The following ANO2 variants were observed in gnomAD, a reference collection of about 807,000 sequenced individuals.
ANO2 encodes anoctamin 2.
In ANO2, 101 loss-of-function variants were observed where a neutral mutation model predicts 124.2. The observed-to-expected ratio is 0.81, with a 90% CI of 0.69 to 0.96. The LOEUF is 0.96. Ranked by LOEUF, ANO2 falls within the 40% of genes least tolerant of loss-of-function variation. ANO2 has a pLI of 0.00. For missense variants in ANO2, 1,293 were observed against 1,274.5 expected, an observed-to-expected ratio of 1.01 and a Z score of -0.22; for synonymous variants, 486 against 482.5, an observed-to-expected ratio of 1.01 and a Z score of -0.09.
chr12:5,911,654 T>G (rs953944586), intron 3 of ANO2, among the ~76,000 whole-genome samples: 1 of 152,172 alleles, frequency 6.6e-6, no homozygotes, highest in South Asian at 2.1e-4. Flanking sequence ...ACCAGTCAGA[T>G]AGGGAGATAA....
In ANO2 at chr12:5,806,145, G is replaced by T. The variant is rs547747821; in HGVS notation, c.949-52C>A. On this transcript the variant is annotated intron_variant, in intron 8 of 24. Transcript: ENST00000682330. ...AAGCCAATGAAATTACCAGAAGCAG[G>T]TGCCAAAGGAGAAAGGATTTTCTTT... is the stretch of plus-strand genomic sequence containing the variant. 6.8e-5 allele frequency: 106 copies of T among 1,550,274 alleles called. No homozygotes were observed. In the Middle Eastern group the frequency reaches 1.0e-3, roughly 15 times the overall value.
At chr12:5,852,955 G>A (rs542125279) in intron 4 of ANO2, among the ~76,000 whole-genome samples, 1 of 151,248 alleles carries the variant, frequency 6.6e-6, no homozygotes, top group African/African-American at 2.4e-5. Flanking sequence ...ACCACCCACA[G>A]TTCACCCATG....
intron 3 of ANO2, among the ~76,000 whole-genome samples, chr12:5,889,782 T>A (rs1268310263): frequency 6.6e-6 from 1 of 152,262 alleles, no homozygotes; most frequent in African/African-American, 2.4e-5. Flanking sequence ...AGAAGTCAAC[T>A]CTTTCTTAAA....
intron 14 of ANO2, among the ~76,000 whole-genome samples, chr12:5,730,663 T>A (rs1950597357): frequency 6.6e-6 from 1 of 152,330 alleles, no homozygotes; most frequent in Non-Finnish European, 1.5e-5. Context: ...TGACTACAAC[T>A]CTTCCTGCAG....
At position 5,904,472 on chromosome 12, in the gene ANO2, C is replaced by T. The variant is rs115944955; in HGVS notation, c.534+16568G>A. Reference sequence around the variant, plus strand: ...GAAGGCTGAGTGTGCCCAGGGCAGACGCCTCGCAGGCCCACCATCACCTCT... The same window carrying T: ...GAAGGCTGAGTGTGCCCAGGGCAGATGCCTCGCAGGCCCACCATCACCTCT... On this transcript the variant is annotated intron_variant, in intron 3 of 24. Transcript: ENST00000682330. The surrounding 1 kb of genome is among the most constrained non-coding windows in gnomAD (Gnocchi z 4.1). 2.5e-3 allele frequency among the ~76,000 whole-genome samples: 374 copies of T among 152,298 alleles called. 3 individuals carry two copies. Among genetic ancestry groups the T allele is most frequent in the African/African-American group, 8.4e-3 (351 of 41,570 alleles).
At chr12:5,771,445 A>G (rs1171019782) in intron 10 of ANO2, among the ~76,000 whole-genome samples, 1 of 152,184 alleles carries the variant, frequency 6.6e-6, no homozygotes, top group Non-Finnish European at 1.5e-5. Flanking sequence ...TTTATTTTCT[A>G]TTTTATAAAA....
chr12:5,922,808 T>C lies in ANO2; in HGVS notation c.23-4A>G. 6.7e-7 allele frequency: 1 copy of C among 1,485,008 alleles called. No individual in the cohort carries two copies. The highest frequency in any genetic ancestry group is 8.9e-7 in the Non-Finnish European group (1 of 1,117,890). 92.0% of individuals were successfully genotyped at this position (1,485,008 alleles called of 1,614,324 possible). A position where few individuals can be genotyped will look rare whatever the true frequency, so the allele number is the denominator to read the frequency against. On this transcript the variant is annotated splice_region_variant and splice_polypyrimidine_tract_variant and intron_variant, in intron 1 of 24. Transcript: ENST00000682330. ...GAGCCAGGGAGCAGGGGTATATCTG[T>C]GAGAGGGAAAGACAAGGGAGGCAAA...
intron 14 of ANO2, among the ~76,000 whole-genome samples, chr12:5,664,647 T>C (rs930533349): frequency 2.0e-5 from 3 of 152,206 alleles, no homozygotes; most frequent in African/African-American, 7.2e-5. Context: ...ATTCCAATCG[T>C]ATGTTCTTTT....
intron 14 of ANO2, among the ~76,000 whole-genome samples, chr12:5,727,447 G>C (rs181496406): frequency 6.6e-6 from 1 of 151,340 alleles, no homozygotes; most frequent in Admixed American, 6.6e-5. Flanking sequence ...ACTCAGTCTC[G>C]GGTATTTATA....
chr12:5,653,797 C>T (rs1947032858), intron 14 of ANO2, among the ~76,000 whole-genome samples: 1 of 152,110 alleles, frequency 6.6e-6, no homozygotes, highest in Non-Finnish European at 1.5e-5. Context: ...GGAGTGACTT[C>T]CAGCCCAGAG....
intron 1 of ANO2, among the ~76,000 whole-genome samples, chr12:5,927,359 C>T (rs116367043): frequency 0.026 from 4,028 of 152,292 alleles, 182 homozygotes; most frequent in African/African-American, 0.092. Context: ...TACCTTAGGT[C>T]ACTCTACAGA....
At chr12:5,584,134 C>T (rs534613271) in intron 20 of ANO2, 1 of 163,246 alleles carries the variant, frequency 6.1e-6, no homozygotes, top group Non-Finnish European at 1.3e-5. Context: ...AATGAACACC[C>T]CCCCCCCGCC....
intron 10 of ANO2, among the ~76,000 whole-genome samples, chr12:5,770,863 T>C (rs1168573020): frequency 6.6e-6 from 1 of 152,152 alleles, no homozygotes; most frequent in Admixed American, 6.6e-5. Flanking sequence ...ACACCACACC[T>C]GCTCCCACTT....
rs117460555 is a variant in ANO2 at position 5,740,701 on chromosome 12, A to G, written c.1352-1302T>C. 2.0e-3 allele frequency among the ~76,000 whole-genome samples: 312 copies of G among 152,260 alleles called. 6 individuals are homozygous for G. In the East Asian group the frequency reaches 0.052, roughly 25 times the overall value. On this transcript the variant is annotated intron_variant, in intron 12 of 24. Transcript: ENST00000682330. ...GAAGGACAATGGCATTTGGGCATTG[A>G]AGGAGTGGGCAGAGGAAGGGTGCCA...
intron 20 of ANO2, among the ~76,000 whole-genome samples, chr12:5,596,027 T>C (rs1259517527): frequency 6.6e-5 from 10 of 152,226 alleles, no homozygotes; most frequent in Admixed American, 4.6e-4. Flanking sequence ...TCAAGAACCA[T>C]AGAATGACCA....
upstream of ANO2, among the ~76,000 whole-genome samples, chr12:5,945,662 A>G (rs577678626): frequency 5.1e-4 from 77 of 152,370 alleles, no homozygotes; most frequent in African/African-American, 1.7e-3. Context: ...CCAAAGGGTC[A>G]TCCACTGCCC....
At chr12:5,599,435 C>A (rs1237567849) in intron 20 of ANO2, 49 bp downstream of exon 20, 2 of 1,565,828 alleles carry the variant, frequency 1.3e-6, no homozygotes, top group African/African-American at 1.4e-5. Context: ...CCCCACAGAC[C>A]CCTTGTCTGA....
At chr12:5,699,210 C>G (rs952168383) in intron 14 of ANO2, among the ~76,000 whole-genome samples, 5 of 152,180 alleles carry the variant, frequency 3.3e-5, no homozygotes, top group African/African-American at 1.2e-4. Flanking sequence ...GGGTTACCCA[C>G]AAAGGGCAGC....
At chr12:5,678,545 T>C (rs1409530945) in intron 14 of ANO2, among the ~76,000 whole-genome samples, 1 of 152,214 alleles carries the variant, frequency 6.6e-6, no homozygotes, top group Non-Finnish European at 1.5e-5. Flanking sequence ...GACTGGGGAC[T>C]GAGTTCAAAA....
Sources: gnomAD v4.1 joint callset for allele counts (sites outside exome capture counted in the v4.1 genomes callset) on GRCh38, gnomAD v4.1.1 for gene constraint, Gnocchi (gnomAD v3.1) non-coding constraint, MANE v1.5 for transcripts, NCBI Gene and HGNC (gene_info 2026-07-23, HGNC 2026-07-21) for gene names.